SLC4A10: variants seen among roughly 807,000 people sequenced by gnomAD.
SLC4A10 encodes the protein sodium-driven chloride bicarbonate exchanger.
Under a neutral mutation model 137.7 loss-of-function variants are expected in SLC4A10, and 42 were observed. The observed-to-expected ratio is 0.30, with a 90% CI of 0.24 to 0.39. SLC4A10 has a LOEUF of 0.39. SLC4A10 is among the 10% of genes least tolerant of loss of function. The probability of loss-of-function intolerance (pLI) is 1.00; values close to 1 mark genes in which losing one functional copy is unlikely to be tolerated. For synonymous variants in SLC4A10, 474 were observed against 464.1 expected (o/e 1.02, Z -0.27); for missense variants, 925 against 1,355.0 (o/e 0.68, Z 4.98).
intron 1 of SLC4A10, among the ~76,000 whole-genome samples, chr2:161,723,303 C>A (rs1028667782): frequency 5.9e-5 from 9 of 152,146 alleles, no homozygotes; most frequent in African/African-American, 2.2e-4. Context: ...GCTTCCTTTG[C>A]TCTGTGTGGC....
chr2:161,673,846 T>C (rs1425287170), intron 1 of SLC4A10, among the ~76,000 whole-genome samples: 1 of 151,980 alleles, frequency 6.6e-6, no homozygotes, highest in Non-Finnish European at 1.5e-5. Flanking sequence ...AAAAATTAGC[T>C]GGGTGTGGTG....
intron 6 of SLC4A10, among the ~76,000 whole-genome samples, chr2:161,871,416 G>A (rs187892122): frequency 3.9e-4 from 60 of 151,954 alleles, no homozygotes; most frequent in Admixed American, 1.6e-3. Flanking sequence ...AAAAAGATGG[G>A]GAGATGTTTA....
chr2:161,680,722 A>G (rs971324786), intron 1 of SLC4A10, among the ~76,000 whole-genome samples: 1 of 152,156 alleles, frequency 6.6e-6, no homozygotes, highest in African/African-American at 2.4e-5. Flanking sequence ...TTTACAAATA[A>G]AAATTGTATA....
chr2:161,979,778 C>G (rs578162111), intron 26 of SLC4A10, among the ~76,000 whole-genome samples: 1 of 152,290 alleles, frequency 6.6e-6, no homozygotes, highest in African/African-American at 2.4e-5. Flanking sequence ...GAGTCCTGAG[C>G]TGGCACCCAT....
intron 1 of SLC4A10, among the ~76,000 whole-genome samples, chr2:161,703,929 C>T (rs1220681774): frequency 6.6e-6 from 1 of 151,590 alleles, no homozygotes; most frequent in East Asian, 1.9e-4. Flanking sequence ...ATAGAAATGG[C>T]CAGCCTCCAT....
At chr2:161,819,067 A>T (rs1222432301) in intron 3 of SLC4A10, among the ~76,000 whole-genome samples, 1 of 152,210 alleles carries the variant, frequency 6.6e-6, no homozygotes, top group East Asian at 1.9e-4. Flanking sequence ...TATTACTCCA[A>T]CGTATAAGCA....
At chr2:161,768,298 T>C (rs1269876987) in intron 1 of SLC4A10, among the ~76,000 whole-genome samples, 2 of 152,070 alleles carry the variant, frequency 1.3e-5, no homozygotes, top group African/African-American at 2.4e-5. Flanking sequence ...CTACTCTGGC[T>C]GCTGAGCCTG....
chr2:161,839,186 G>T (rs1220704058), intron 3 of SLC4A10, among the ~76,000 whole-genome samples: 2 of 152,144 alleles, frequency 1.3e-5, no homozygotes, highest in Non-Finnish European at 2.9e-5. Context: ...AATCTCAAAG[G>T]CATTTGCTAA....
intron 3 of SLC4A10, among the ~76,000 whole-genome samples, chr2:161,806,592 G>T (rs1177298784): frequency 6.6e-6 from 1 of 152,064 alleles, no homozygotes; most frequent in African/African-American, 2.4e-5. Flanking sequence ...CTAGGGCAGG[G>T]GTAAAACACT....
At chr2:161,883,829 A>G (rs1188361016) in intron 10 of SLC4A10, among the ~76,000 whole-genome samples, 2 of 152,080 alleles carry the variant, frequency 1.3e-5, no homozygotes, top group Non-Finnish European at 2.9e-5. Flanking sequence ...GACATTTGTC[A>G]TTTGATTTAG....
chr2:161,877,651 A>G (rs1305382247), intron 8 of SLC4A10, among the ~76,000 whole-genome samples: 1 of 152,032 alleles, frequency 6.6e-6, no homozygotes, highest in Non-Finnish European at 1.5e-5. Context: ...AAACTAAAAG[A>G]TCAGATTCCA....
At chr2:161,820,813 T>C (rs62187699) in intron 3 of SLC4A10, among the ~76,000 whole-genome samples, 10,116 of 152,244 alleles carry the variant, frequency 0.066, 438 homozygotes, top group East Asian at 0.15. Flanking sequence ...AAATTATCAA[T>C]TGCTGAGTCA....
At chr2:161,898,314 T>C (rs1264244981) in intron 11 of SLC4A10, among the ~76,000 whole-genome samples, 1 of 152,124 alleles carries the variant, frequency 6.6e-6, no homozygotes, top group Admixed American at 6.6e-5. Flanking sequence ...AATAGACATA[T>C]GTAGTTTGTG....
At chr2:161,811,314 T>C (rs2056529423) in intron 3 of SLC4A10, among the ~76,000 whole-genome samples, 1 of 152,040 alleles carries the variant, frequency 6.6e-6, no homozygotes, top group African/African-American at 2.4e-5. Flanking sequence ...AAAAACAAAC[T>C]CTGTTTCATT....
chr2:161,762,691 A>G lies in SLC4A10; in HGVS notation c.49-8282A>G, dbSNP rs367978599. On this transcript the variant is annotated intron_variant, in intron 1 of 26. Transcript: ENST00000446997. ...CATTATTTAATGAAACAGTAGTGAA[A>G]CATTATTAAATCTGATCGTGAAAGT... 6.6e-5 allele frequency among the ~76,000 whole-genome samples: 10 copies of G among 152,262 alleles called. No individual in the cohort carries two copies. The East Asian group carries it at 1.9e-3, about 29-fold the overall frequency.
intron 2 of SLC4A10, 106 bp from the exon 3 acceptor site, chr2:161,804,343 G>A: frequency 8.0e-7 from 1 of 1,249,016 alleles, no homozygotes; most frequent in South Asian, 1.7e-5. Context: ...CATCAAAAAT[G>A]ACTTGCTGAA....
At chr2:161,895,868 G>C (rs1326093998) in intron 11 of SLC4A10, among the ~76,000 whole-genome samples, 4 of 151,962 alleles carry the variant, frequency 2.6e-5, no homozygotes, top group Admixed American at 1.3e-4. Context: ...TAGGTTGCCT[G>C]TTCACTCTGA....
chr2:161,946,403 T>C (rs1430660520), intron 16 of SLC4A10, among the ~76,000 whole-genome samples: 1 of 152,004 alleles, frequency 6.6e-6, no homozygotes, highest in Non-Finnish European at 1.5e-5. Flanking sequence ...TTGGAGTGTA[T>C]TTACTTTTTG....
intron 12 of SLC4A10, among the ~76,000 whole-genome samples, chr2:161,903,729 T>G (rs1217562220): frequency 6.6e-6 from 1 of 152,146 alleles, no homozygotes; most frequent in Admixed American, 6.5e-5. Flanking sequence ...AATCTCATTA[T>G]TTGGATTATG....
Sources: gnomAD v4.1 joint callset for allele counts (sites outside exome capture counted in the v4.1 genomes callset) on GRCh38, gnomAD v4.1.1 for gene constraint, MANE v1.5 for transcripts, NCBI Gene and HGNC (gene_info 2026-07-23, HGNC 2026-07-21) for gene names.